The following ST6GALNAC3 variants were observed in gnomAD, a reference collection of about 807,000 sequenced individuals.
ST6GALNAC3 encodes alpha-N-acetylgalactosaminide alpha-2,6-sialyltransferase 3.
ST6GALNAC3 carries 25 observed loss-of-function variants against 32.7 expected under a neutral mutation model. The observed-to-expected ratio is 0.76, with a 90% confidence interval of 0.56 to 1.07. ST6GALNAC3 has a LOEUF of 1.07. ST6GALNAC3 is among the 50% of genes least tolerant of loss of function. ST6GALNAC3 has a pLI of 0.00. For synonymous variants in ST6GALNAC3, 129 were observed against 133.1 expected (o/e 0.97, Z 0.21); for missense variants, 355 against 382.4 (o/e 0.93, Z 0.60).
chr1:76,187,853 T>A (rs1215490320), intron 1 of ST6GALNAC3, among the ~76,000 whole-genome samples: 1 of 152,190 alleles, frequency 6.6e-6, no homozygotes, highest in African/African-American at 2.4e-5. Context: ...CCGGTCACCA[T>A]GTCCGTCCCA....
At chr1:76,304,767 A>C (rs1660942437) in intron 1 of ST6GALNAC3, among the ~76,000 whole-genome samples, 2 of 152,092 alleles carry the variant, frequency 1.3e-5, no homozygotes, top group Non-Finnish European at 2.9e-5. Context: ...AGTCATTTTC[A>C]TCATTGTCGG....
intron 2 of ST6GALNAC3, among the ~76,000 whole-genome samples, chr1:76,339,510 T>C (rs981234188): frequency 1.3e-5 from 2 of 152,320 alleles, no homozygotes; most frequent in African/African-American, 4.8e-5. Flanking sequence ...TCTCCATAAC[T>C]GTAAGATAAA....
At chr1:76,345,363 G>A (rs1022679695) in intron 2 of ST6GALNAC3, among the ~76,000 whole-genome samples, 1 of 152,090 alleles carries the variant, frequency 6.6e-6, no homozygotes, top group African/African-American at 2.4e-5. Flanking sequence ...CAGAGGCACA[G>A]GGAGAGCACA....
intron 1 of ST6GALNAC3, among the ~76,000 whole-genome samples, chr1:76,186,977 A>T (rs1446625423): frequency 3.3e-5 from 5 of 152,180 alleles, no homozygotes; most frequent in Non-Finnish European, 7.3e-5. Flanking sequence ...TTCCAAGGAA[A>T]CTGCATATCC....
At position 76,631,120 on chromosome 1, in the gene ST6GALNAC3, A is replaced by G. The variant is rs1401758079; in HGVS notation, c.*2314A>G. The G allele has an allele frequency of 1.3e-6, 1 of 759,842 alleles. No homozygotes were observed. The highest frequency in any genetic ancestry group is 1.6e-6 in the Non-Finnish European group (1 of 624,540). The allele number at this position is 759,842 out of a possible 1,614,324, so 47.1% of individuals were successfully genotyped here. ...TGCAGTATATTGTATCCCTCACTCT[A>G]TAGCAGAAGGTGTGTGTGGAATATG... On this transcript the variant is annotated 3_prime_UTR_variant, in exon 5 of 5. Coordinates refer to ENST00000328299, the MANE Select transcript of ST6GALNAC3 (RefSeq NM_152996.4).
At chr1:76,226,868 G>A (rs763017361) in intron 1 of ST6GALNAC3, among the ~76,000 whole-genome samples, 4 of 152,086 alleles carry the variant, frequency 2.6e-5, no homozygotes, top group South Asian at 2.1e-4. Flanking sequence ...ATTACAATTC[G>A]ACATGAGATT....
At chr1:76,432,138 T>C (rs1655800150) in intron 3 of ST6GALNAC3, among the ~76,000 whole-genome samples, 2 of 152,194 alleles carry the variant, frequency 1.3e-5, no homozygotes, top group Admixed American at 1.3e-4. Context: ...CTCCTTTAAA[T>C]TTCTTACTTA....
intron 1 of ST6GALNAC3, among the ~76,000 whole-genome samples, chr1:76,208,003 C>G (rs1258573189): frequency 2.0e-5 from 3 of 151,920 alleles, no homozygotes; most frequent in Non-Finnish European, 4.4e-5. Flanking sequence ...TCAGGGGGGG[C>G]CTGCATTAGC....
At chr1:76,440,159 G>C (rs1656442369) in intron 3 of ST6GALNAC3, among the ~76,000 whole-genome samples, 1 of 152,212 alleles carries the variant, frequency 6.6e-6, no homozygotes, top group Non-Finnish European at 1.5e-5. Flanking sequence ...CCAATAACCT[G>C]AGTAAAGAGA....
intron 2 of ST6GALNAC3, among the ~76,000 whole-genome samples, chr1:76,343,888 C>A (rs1486532909): frequency 6.6e-6 from 1 of 152,090 alleles, no homozygotes. Context: ...GGAATTATGG[C>A]AACCTATGAG....
At chr1:76,424,648 A>C (rs1225304129) in intron 3 of ST6GALNAC3, among the ~76,000 whole-genome samples, 5 of 152,010 alleles carry the variant, frequency 3.3e-5, no homozygotes, top group Non-Finnish European at 7.4e-5. Flanking sequence ...CTTTTGTGAC[A>C]AACAGCTTGG....
chr1:76,582,419 G>T (rs899583924), intron 3 of ST6GALNAC3, among the ~76,000 whole-genome samples: 5 of 152,050 alleles, frequency 3.3e-5, no homozygotes, highest in Non-Finnish European at 1.5e-5. Flanking sequence ...TCATGACCCA[G>T]CCTTGGAAAT....
In ST6GALNAC3 at chr1:76,410,696, A is replaced by G. The variant is rs866641718; in HGVS notation, c.214-1312A>G. On this transcript the variant is annotated intron_variant, in intron 2 of 4. Transcript: ENST00000328299. ...TGACTGCTGTGAGTGCCTACCATTG[A>G]TAGGAACAATGGTCTGTTACAGTTG... Among the ~76,000 whole-genome samples, 33 of 152,198 alleles carry G rather than the reference A, an allele frequency of 2.2e-4. 1 individual carries two copies. In the Middle Eastern group the frequency reaches 0.031, roughly 141 times the overall value.
chr1:76,452,316 G>A (rs144992533), intron 3 of ST6GALNAC3, among the ~76,000 whole-genome samples: 3 of 152,260 alleles, frequency 2.0e-5, no homozygotes, highest in African/African-American at 7.2e-5. Flanking sequence ...TGATTGTGAG[G>A]CCTCCCCAGT....
Position 76,213,337 on chromosome 1 carries a change from C to T in ST6GALNAC3, c.19-100468C>T, listed in dbSNP as rs554780711. Reference sequence around the variant, plus strand: ...ATAAGACAGAAGTATGCTGTGTCCTCGAAACACAACATGGAGCAGAGCCCC... The same window carrying T: ...ATAAGACAGAAGTATGCTGTGTCCTTGAAACACAACATGGAGCAGAGCCCC... On this transcript the variant is annotated intron_variant, in intron 1 of 4. Transcript: ENST00000328299. 3.3e-5 allele frequency among the ~76,000 whole-genome samples: 5 copies of T among 152,180 alleles called. No individual in the cohort carries two copies. The South Asian group carries it at 6.2e-4, about 19-fold the overall frequency.
At chr1:76,087,733 GT>G (rs1046112000) in intron 1 of ST6GALNAC3, among the ~76,000 whole-genome samples, 1 of 152,158 alleles carries the variant, frequency 6.6e-6, no homozygotes, top group African/African-American at 2.4e-5. Flanking sequence ...TTGAATCCAG[GT>G]GTTTGGCTGA....
chr1:76,381,183 A>G (rs533596296), intron 2 of ST6GALNAC3, among the ~76,000 whole-genome samples: 54 of 133,408 alleles, frequency 4.0e-4, no homozygotes, highest in Non-Finnish European at 5.3e-4. Flanking sequence ...AAAAAAAAAA[A>G]AAAGAAAAAA....
chr1:76,345,145 G>A (rs1410353988), intron 2 of ST6GALNAC3, among the ~76,000 whole-genome samples: 2 of 152,104 alleles, frequency 1.3e-5, no homozygotes, highest in Admixed American at 6.6e-5. Flanking sequence ...CAGCAAGCAG[G>A]TACACCATCA....
At chr1:76,444,248 A>T (rs1250616325) in intron 3 of ST6GALNAC3, among the ~76,000 whole-genome samples, 8 of 152,208 alleles carry the variant, frequency 5.3e-5, no homozygotes, top group Non-Finnish European at 1.2e-4. Flanking sequence ...AGATTAAGGG[A>T]TACTAGAAAA....
Sources: allele counts gnomAD v4.1 joint callset (sites outside exome capture counted in the v4.1 genomes callset), GRCh38; gene constraint gnomAD v4.1.1; transcripts MANE v1.5; gene names NCBI Gene and HGNC (gene_info 2026-07-23, HGNC 2026-07-21).